The following PCCA variants were observed in gnomAD, a reference collection of about 807,000 sequenced individuals.
PCCA encodes propionyl-CoA carboxylase subunit alpha.
Under a neutral mutation model 101.3 loss-of-function variants are expected in PCCA, and 74 were observed. The observed-to-expected ratio is 0.73, with a 90% CI of 0.61 to 0.89. The LOEUF is 0.89. Among genes scored for constraint, PCCA ranks in the 40% least tolerant of loss-of-function variants. The pLI is 0.00. For synonymous variants in PCCA, 294 were observed against 313.6 expected, an observed-to-expected ratio of 0.94 and a Z score of 0.66; for missense variants, 891 against 907.0, an observed-to-expected ratio of 0.98 and a Z score of 0.23.
intron 21 of PCCA, among the ~76,000 whole-genome samples, chr13:100,498,118 T>C (rs935361907): frequency 5.9e-5 from 9 of 151,634 alleles, no homozygotes; most frequent in Non-Finnish European, 1.2e-4. Context: ...TCCTCTCACC[T>C]CAGCCTCCCA....
At chr13:100,495,436 A>G (rs1379331301) in intron 21 of PCCA, among the ~76,000 whole-genome samples, 1 of 152,080 alleles carries the variant, frequency 6.6e-6, no homozygotes, top group Non-Finnish European at 1.5e-5. Flanking sequence ...TGTCCCTTCT[A>G]TTTTTGTTAA....
chr13:100,276,856 T>C (rs938641638), intron 12 of PCCA, among the ~76,000 whole-genome samples: 2 of 152,224 alleles, frequency 1.3e-5, no homozygotes, highest in African/African-American at 2.4e-5. Flanking sequence ...ACATGTCTGA[T>C]AATGTTGACA....
intron 19 of PCCA, among the ~76,000 whole-genome samples, chr13:100,396,604 C>T (rs1384043640): frequency 6.6e-6 from 1 of 152,066 alleles, no homozygotes; most frequent in Non-Finnish European, 1.5e-5. Context: ...CGAGGCTAGG[C>T]GTTCGAGGTT....
In PCCA at chr13:100,327,001, A is replaced by G. The variant is rs562725698; in HGVS notation, c.1430-3560A>G. Among the ~76,000 whole-genome samples, 3 of 152,242 alleles carry G rather than the reference A, an allele frequency of 2.0e-5. 1 individual carries two copies. The highest frequency in any genetic ancestry group is 7.2e-5 in the African/African-American group (3 of 41,552). On this transcript the variant is annotated intron_variant, in intron 16 of 23. Coordinates refer to ENST00000376285, the MANE Select transcript of PCCA (RefSeq NM_000282.4). ...ATTCAGTCATCACCTGTGCTTTGAA[A>G]TTGTCATTGTGTACTAGGCTCAATT...
At chr13:100,132,199 A>G (rs1369243464) in intron 4 of PCCA, among the ~76,000 whole-genome samples, 1 of 129,558 alleles carries the variant, frequency 7.7e-6, no homozygotes, top group Non-Finnish European at 1.7e-5. Flanking sequence ...CCCATCTTTC[A>G]TACCCTTCTG....
intron 12 of PCCA, among the ~76,000 whole-genome samples, chr13:100,291,945 A>T (rs1389045147): frequency 6.6e-6 from 1 of 152,122 alleles, no homozygotes; most frequent in African/African-American, 2.4e-5. Context: ...ACAGAGGGAG[A>T]AGAGCCTGTT....
intron 21 of PCCA, chr13:100,491,746 C>T (rs930705331): frequency 3.2e-5 from 41 of 1,283,984 alleles, no homozygotes; most frequent in African/African-American, 1.2e-4. Context: ...TGAAAGCTCT[C>T]GGTTTGTACA....
chr13:100,203,130 C>T (rs764124761), intron 6 of PCCA, among the ~76,000 whole-genome samples: 21 of 151,802 alleles, frequency 1.4e-4, no homozygotes, highest in African/African-American at 7.3e-5. Context: ...AAAAATTAGC[C>T]GGGCGTGGTG....
chr13:100,504,980 A>G (rs1271822477), intron 21 of PCCA, among the ~76,000 whole-genome samples: 1 of 152,178 alleles, frequency 6.6e-6, no homozygotes, highest in Non-Finnish European at 1.5e-5. Context: ...AGGCACTGTT[A>G]TGATCCACAG....
chr13:100,397,147 A>G (rs2077086701), intron 19 of PCCA, among the ~76,000 whole-genome samples: 1 of 152,190 alleles, frequency 6.6e-6, no homozygotes, highest in South Asian at 2.1e-4. Context: ...TAGAGTGGCC[A>G]TTATTTGCAA....
chr13:100,172,157 C>T (rs529981444), intron 6 of PCCA, among the ~76,000 whole-genome samples: 1 of 150,090 alleles, frequency 6.7e-6, no homozygotes, highest in South Asian at 2.1e-4. Context: ...GCTGAGATTG[C>T]ACCACTACAC....
At chr13:100,253,468 G>A (rs1036344750) in intron 8 of PCCA, among the ~76,000 whole-genome samples, 2 of 152,152 alleles carry the variant, frequency 1.3e-5, no homozygotes, top group African/African-American at 4.8e-5. Flanking sequence ...AAAGAAGGCT[G>A]CTTGCTTTGT....
At chr13:100,518,050 G>T (rs974966339) in intron 22 of PCCA, among the ~76,000 whole-genome samples, 2 of 152,142 alleles carry the variant, frequency 1.3e-5, no homozygotes, top group Non-Finnish European at 2.9e-5. Context: ...GCCGGGCGAG[G>T]TTCCCCTTTT....
chr13:100,153,046 G>C (rs1017291794), intron 4 of PCCA, among the ~76,000 whole-genome samples: 1 of 152,068 alleles, frequency 6.6e-6, no homozygotes, highest in Non-Finnish European at 1.5e-5. Flanking sequence ...ACTTTATGTA[G>C]GTGTAGATTT....
intron 19 of PCCA, among the ~76,000 whole-genome samples, chr13:100,416,283 G>A (rs1236602161): frequency 6.6e-6 from 1 of 151,862 alleles, no homozygotes; most frequent in Non-Finnish European, 1.5e-5. Flanking sequence ...CCACCTCCCA[G>A]GTTCAAGCAG....
intron 6 of PCCA, among the ~76,000 whole-genome samples, chr13:100,162,076 CTGTATGTG>C (rs970282247): frequency 5.4e-5 from 7 of 130,010 alleles, no homozygotes; most frequent in African/African-American, 1.2e-4. Context: ...GCATGTGTGT[CTGTATGTG>C]TGTGTGTGTG....
chr13:100,480,157 C>G (rs1458499973), intron 21 of PCCA: 2 of 152,242 alleles, frequency 1.3e-5, no homozygotes, highest in Non-Finnish European at 2.9e-5. Context: ...TGAGGCAGAG[C>G]TTCAGCACAT....
At chr13:100,339,568 G>A (rs1037513384) in intron 17 of PCCA, among the ~76,000 whole-genome samples, 5 of 152,162 alleles carry the variant, frequency 3.3e-5, no homozygotes, top group Non-Finnish European at 5.9e-5. Flanking sequence ...GCGGCCAGCC[G>A]ACTATCCCAG....
intron 2 of PCCA, among the ~76,000 whole-genome samples, chr13:100,110,689 TA>T (rs1319531488): frequency 2.6e-5 from 4 of 152,250 alleles, no homozygotes. Context: ...AGATAGCAGA[TA>T]AATTATACTT....
Sources: gnomAD v4.1 joint callset for allele counts (sites outside exome capture counted in the v4.1 genomes callset) on GRCh38, gnomAD v4.1.1 for gene constraint, MANE v1.5 for transcripts, NCBI Gene and HGNC (gene_info 2026-07-23, HGNC 2026-07-21) for gene names.